PDE1C: variants seen among roughly 807,000 people sequenced by gnomAD.
PDE1C encodes phosphodiesterase 1C, also known as dual specificity calcium/calmodulin-dependent 3',5'-cyclic nucleotide phosphodiesterase 1C.
Under a neutral mutation model 93.1 loss-of-function variants are expected in PDE1C, and 62 were observed. The observed-to-expected ratio is 0.67, with a 90% CI of 0.54 to 0.82. The LOEUF (loss-of-function observed/expected upper bound fraction) is 0.82, where lower values mean the gene tolerates loss of function less well. Ranked by LOEUF, PDE1C falls within the 40% of genes least tolerant of loss-of-function variation. The probability of loss-of-function intolerance (pLI) is 0.00; values close to 1 mark genes in which losing one functional copy is unlikely to be tolerated. For missense variants in PDE1C, 742 were observed against 884.6 expected (o/e 0.84, Z 2.04); for synonymous variants, 325 against 310.1 (o/e 1.05, Z -0.50).
In PDE1C at chr7:32,208,658, G is replaced by C. The variant is rs965692308; in HGVS notation, c.136+831C>G. On this transcript the variant is annotated intron_variant, in intron 2 of 18. Coordinates refer to the PDE1C transcript ENST00000396193. ...CAGTTGTACGATTTCTCCACCTGGT[G>C]CATAGTGGGTTTGGGGAGCGTCTCC... Among the ~76,000 whole-genome samples, 6 of 152,278 alleles carry C rather than the reference G, an allele frequency of 3.9e-5. No homozygotes were observed. In the East Asian group the frequency reaches 1.2e-3, roughly 29 times the overall value.
At chr7:32,260,898 A>G (rs1246273989) in intron 1 of PDE1C, among the ~76,000 whole-genome samples, 1 of 152,244 alleles carries the variant, frequency 6.6e-6, no homozygotes, top group Non-Finnish European at 1.5e-5. Flanking sequence ...AGGTGGGTGG[A>G]TCACCTGAGG....
At chr7:32,209,423 G>C in intron 2 of PDE1C, 1 of 1,307,064 alleles carries the variant, frequency 7.7e-7, no homozygotes, top group South Asian at 1.4e-5. Flanking sequence ...TACCGCATGG[G>C]GGAAAGATCT....
At chr7:32,186,770 T>C (rs1161608540) in intron 2 of PDE1C, among the ~76,000 whole-genome samples, 1 of 152,154 alleles carries the variant, frequency 6.6e-6, no homozygotes, top group Non-Finnish European at 1.5e-5. Flanking sequence ...TGATTTTTTG[T>C]CATCTAACTC....
intron 2 of PDE1C, chr7:32,169,959 G>T: frequency 6.2e-7 from 1 of 1,610,030 alleles, no homozygotes; most frequent in South Asian, 1.1e-5. Flanking sequence ...CTTAGACCCT[G>T]AGGCATGGGG....
intron 16 of PDE1C, among the ~76,000 whole-genome samples, chr7:31,780,255 T>C (rs561251279): frequency 6.6e-6 from 1 of 152,262 alleles, no homozygotes; most frequent in African/African-American, 2.4e-5. Flanking sequence ...TTCTTTCAGT[T>C]GTCGGGAGGG....
intron 1 of PDE1C, among the ~76,000 whole-genome samples, chr7:32,381,755 A>C (rs899272284): frequency 5.9e-5 from 9 of 152,176 alleles, no homozygotes; most frequent in Admixed American, 5.2e-4. Context: ...CCTGCCTTAC[A>C]TATTATCCTT....
intron 2 of PDE1C, among the ~76,000 whole-genome samples, chr7:32,046,669 GTATAA>G (rs1416670579): frequency 3.3e-5 from 5 of 152,006 alleles, no homozygotes; most frequent in African/African-American, 1.2e-4. Flanking sequence ...GTGACTATCA[GTATAA>G]TATGATTATC....
At chr7:31,763,697 G>A (rs748870904) in intron 17 of PDE1C, among the ~76,000 whole-genome samples, 3 of 152,168 alleles carry the variant, frequency 2.0e-5, no homozygotes, top group Admixed American at 6.5e-5. Context: ...AATGTTGTAG[G>A]TATTTGATAT....
the PDE1C span, among the ~76,000 whole-genome samples, chr7:31,668,932 G>A: frequency 1.3e-5 from 2 of 152,186 alleles, no homozygotes; most frequent in Non-Finnish European, 2.9e-5. Flanking sequence ...ACCTGAGGTG[G>A]GAATGAATTT....
intron 2 of PDE1C, among the ~76,000 whole-genome samples, chr7:31,936,852 G>A (rs1373863515): frequency 6.6e-6 from 1 of 152,156 alleles, no homozygotes; most frequent in Non-Finnish European, 1.5e-5. Context: ...CCACGACAGA[G>A]CCTCAGGAGG....
intron 1 of PDE1C, among the ~76,000 whole-genome samples, chr7:32,268,276 A>G (rs1157977902): frequency 1.3e-5 from 2 of 152,190 alleles, no homozygotes; most frequent in Non-Finnish European, 2.9e-5. Flanking sequence ...CAGGGGCAGG[A>G]CTTGGAGTCA....
chr7:31,697,049 C>A, the PDE1C span: 1 of 1,614,130 alleles, frequency 6.2e-7, no homozygotes, highest in Non-Finnish European at 8.5e-7. Flanking sequence ...CTTCATAACA[C>A]TGACCTGGAA....
Position 31,880,819 on chromosome 7 carries a change from G to A in PDE1C, c.170C>T (p.Ser57Leu). ...LVKQLERGEASVVDLKKNLEY... is the reference protein window; with the variant it reads ...LVKQLERGEALVVDLKKNLEY... ...CAAATTCTTCTTAAGATCTACCACT[G>A]AAGCTTCCCCTCTCTCTAATTGTTT... is the stretch of plus-strand genomic sequence containing the variant. The change falls in exon 3 of 18, where the codon TCA (serine) becomes TTA (leucine). Residue 57 changes from serine to leucine, a missense_variant. Physicochemically the swap from Ser to Leu is moderately radical, Grantham distance 145. This residue lies in a region of PDE1C where 74 missense variants were observed against 88.2 expected (regional missense o/e 0.84). Transcript: ENST00000396191. 1 of 1,611,788 alleles carries A rather than the reference G, an allele frequency of 6.2e-7. No individual in the cohort carries two copies. Among genetic ancestry groups the A allele is most frequent in the Non-Finnish European group, 8.5e-7 (1 of 1,178,094 alleles).
chr7:31,966,499 C>A (rs531684785), intron 2 of PDE1C, among the ~76,000 whole-genome samples: 1 of 151,052 alleles, frequency 6.6e-6, no homozygotes, highest in Non-Finnish European at 1.5e-5. Context: ...GACTCCCACA[C>A]AATAATAATG....
At chr7:32,169,865 G>C in exon 3 of PDE1C, 1 of 1,612,560 alleles carries the variant, frequency 6.2e-7, no homozygotes. Context: ...GGGGTCGAGG[G>C]TCATGGACAA....
intron 2 of PDE1C, among the ~76,000 whole-genome samples, chr7:31,910,416 C>G (rs1184334912): frequency 6.6e-6 from 1 of 152,136 alleles, no homozygotes; most frequent in Non-Finnish European, 1.5e-5. Flanking sequence ...ATTGAGCTGT[C>G]CCTGTCTCCT....
chr7:31,935,405 A>T (rs1804901571), intron 2 of PDE1C, among the ~76,000 whole-genome samples: 1 of 152,032 alleles, frequency 6.6e-6, no homozygotes, highest in Admixed American at 6.6e-5. Context: ...CCTCCTATTG[A>T]CTTCAGGGCA....
chr7:32,299,051 A>C (rs1585095725), exon 1 of PDE1C: 1 of 1,139,782 alleles, frequency 8.8e-7, no homozygotes, highest in Non-Finnish European at 1.1e-6. Context: ...GACGGGGCTG[A>C]CCGGTGGGCG....
chr7:32,301,740 C>T (rs1192114736), upstream of PDE1C, among the ~76,000 whole-genome samples: 2 of 152,274 alleles, frequency 1.3e-5, no homozygotes, highest in Non-Finnish European at 2.9e-5. Context: ...CTTTCAGAAT[C>T]GCTCACTCAA....
Sources: gnomAD v4.1 joint callset for allele counts (sites outside exome capture counted in the v4.1 genomes callset) on GRCh38, gnomAD v4.1.1 for gene constraint, gnomAD v4.1.1 regional missense constraint, MANE v1.5 for transcripts, NCBI Gene and HGNC (gene_info 2026-07-23, HGNC 2026-07-21) for gene names.